The following OPCML variants were observed in gnomAD, a reference collection of about 807,000 sequenced individuals.
OPCML encodes the protein opioid-binding protein/cell adhesion molecule.
Under a neutral mutation model 37.8 loss-of-function variants are expected in OPCML, and 13 were observed. The ratio of observed to expected loss-of-function variants is 0.34; its 90% CI spans 0.22 to 0.55. The LOEUF (loss-of-function observed/expected upper bound fraction) is 0.55, where lower values mean the gene tolerates loss of function less well. OPCML is among the 20% of genes least tolerant of loss of function. The probability of loss-of-function intolerance (pLI) is 0.91; values close to 1 mark genes in which losing one functional copy is unlikely to be tolerated. For synonymous variants in OPCML, 176 were observed against 168.8 expected (o/e 1.04, Z -0.33); for missense variants, 341 against 435.6 (o/e 0.78, Z 1.93).
chr11:133,495,358 A>G (rs1947762635), intron 1 of OPCML, among the ~76,000 whole-genome samples: 1 of 152,230 alleles, frequency 6.6e-6, no homozygotes, highest in African/African-American at 2.4e-5. Context: ...GCACTGCTAT[A>G]AACATGCGTA....
intron 1 of OPCML, among the ~76,000 whole-genome samples, chr11:133,143,825 G>A (rs1363013010): frequency 2.6e-5 from 4 of 152,278 alleles, no homozygotes; most frequent in Admixed American, 1.3e-4. Context: ...TTTCTTCCAC[G>A]GAAATACACA....
At position 132,724,068 on chromosome 11, in the gene OPCML, C is replaced by T. The variant is rs187436038; in HGVS notation, c.147-66749G>A. ...GGTACATAGATGCCTGTCAGAGTGGCATAGGGAAATTGTGGGTCATTACTC... is the reference window on the plus strand; with the variant it reads ...GGTACATAGATGCCTGTCAGAGTGGTATAGGGAAATTGTGGGTCATTACTC... On this transcript the variant is annotated intron_variant, in intron 2 of 7. Coordinates refer to ENST00000524381, the MANE Select transcript of OPCML (RefSeq NM_001012393.5). Among the ~76,000 whole-genome samples the T allele has an allele frequency of 1.8e-4, 27 of 150,986 alleles. No individual in the cohort carries two copies. The Middle Eastern group carries it at 0.017, about 95-fold the overall frequency.
chr11:132,698,812 A>G (rs896064529), intron 2 of OPCML, among the ~76,000 whole-genome samples: 1 of 152,044 alleles, frequency 6.6e-6, no homozygotes, highest in Admixed American at 6.6e-5. Context: ...TCATATATAT[A>G]TAGTTGGGTC....
chr11:132,513,252 G>T lies in OPCML; in HGVS notation c.505+15809C>A, dbSNP rs370578005. 3.9e-5 allele frequency among the ~76,000 whole-genome samples: 6 copies of T among 152,230 alleles called. No homozygotes were observed. In the East Asian group the frequency reaches 1.2e-3, roughly 29 times the overall value. ...AGGGAAGAAAGTAGAGATCTGGGTA[G>T]CATAGAATTCTCATGGAATGTGGAA... On this transcript the variant is annotated intron_variant, in intron 4 of 7. Transcript: ENST00000524381.
chr11:133,488,387 T>C (rs192988566), intron 1 of OPCML, among the ~76,000 whole-genome samples: 15 of 152,206 alleles, frequency 9.9e-5, no homozygotes, highest in African/African-American at 3.4e-4. Flanking sequence ...AAAAATCTCT[T>C]ATATTAGATA....
intron 2 of OPCML, among the ~76,000 whole-genome samples, chr11:132,872,925 C>G (rs1216882729): frequency 6.8e-6 from 1 of 147,268 alleles, no homozygotes; most frequent in East Asian, 2.0e-4. Context: ...TTCTTTCTTT[C>G]TTTTTTTTTT....
rs68143578 is a variant in OPCML at position 132,441,165 on chromosome 11, G to GTTTTT, written c.506-3811_506-3807dup. On this transcript the variant is annotated intron_variant, in intron 4 of 7. Coordinates refer to ENST00000524381, the MANE Select transcript of OPCML (RefSeq NM_001012393.5). ...AGATGTGTTCACCAAGGACTTTTTT[G>GTTTTT]TTTTTTTTTTTTTTTTTTTTGAGAC... 1.9e-4 allele frequency among the ~76,000 whole-genome samples: 14 copies of GTTTTT among 72,390 alleles called. 2 individuals are homozygous for GTTTTT. The highest frequency in any genetic ancestry group is 2.7e-4 in the Non-Finnish European group (12 of 44,016). The allele number at this position is 72,390 out of a possible 152,430, so 47.5% of individuals were successfully genotyped here. A position where few individuals can be genotyped will look rare whatever the true frequency, so the allele number is the denominator to read the frequency against.
chr11:133,155,451 C>T (rs970723110), intron 1 of OPCML, among the ~76,000 whole-genome samples: 1 of 152,198 alleles, frequency 6.6e-6, no homozygotes, highest in East Asian at 1.9e-4. Flanking sequence ...AAACACTTTC[C>T]TACCTTGGCT....
intron 1 of OPCML, among the ~76,000 whole-genome samples, chr11:133,262,020 G>A (rs1941510544): frequency 6.6e-6 from 1 of 152,058 alleles, no homozygotes; most frequent in African/African-American, 2.4e-5. Flanking sequence ...ATTAAGCAAA[G>A]GGACTTTACT....
At chr11:132,793,665 C>T (rs905097835) in intron 2 of OPCML, among the ~76,000 whole-genome samples, 2 of 152,188 alleles carry the variant, frequency 1.3e-5, no homozygotes, top group African/African-American at 4.8e-5. Context: ...GGGACCCTTT[C>T]TGAGGGTATG....
chr11:132,530,167 G>C (rs755618815), intron 3 of OPCML, among the ~76,000 whole-genome samples: 9 of 152,134 alleles, frequency 5.9e-5, no homozygotes, highest in South Asian at 2.1e-4. Context: ...CAATGATCAT[G>C]ATGATGACAG....
chr11:132,614,041 T>C (rs1938830393), intron 3 of OPCML, among the ~76,000 whole-genome samples: 2 of 151,996 alleles, frequency 1.3e-5, no homozygotes, highest in South Asian at 2.1e-4. Flanking sequence ...GGGATAAAAG[T>C]AGAGATTGTA....
At chr11:132,741,418 T>C (rs1945429090) in intron 2 of OPCML, among the ~76,000 whole-genome samples, 1 of 152,136 alleles carries the variant, frequency 6.6e-6, no homozygotes, top group East Asian at 1.9e-4. Flanking sequence ...CTGAGAATCA[T>C]ACAGACATGA....
chr11:133,193,929 A>G (rs1316045116), intron 1 of OPCML, among the ~76,000 whole-genome samples: 1 of 152,212 alleles, frequency 6.6e-6, no homozygotes, highest in Non-Finnish European at 1.5e-5. Flanking sequence ...AGAAAAAGAA[A>G]ACAACACTTA....
chr11:132,969,701 C>T (rs1323966034), intron 1 of OPCML, among the ~76,000 whole-genome samples: 1 of 152,110 alleles, frequency 6.6e-6, no homozygotes, highest in African/African-American at 2.4e-5. Context: ...TACTGAGCCC[C>T]TCTCATAATT....
At chr11:133,431,762 G>A (rs935335749) in intron 1 of OPCML, among the ~76,000 whole-genome samples, 8 of 149,110 alleles carry the variant, frequency 5.4e-5, no homozygotes, top group Non-Finnish European at 1.2e-4. Flanking sequence ...ACTGCGCCCC[G>A]CCGAATCTCA....
intron 2 of OPCML, among the ~76,000 whole-genome samples, chr11:132,802,360 G>A (rs370803641): frequency 1.7e-4 from 26 of 152,280 alleles, no homozygotes; most frequent in African/African-American, 6.0e-4. Context: ...TCCCTGAACA[G>A]ACTTGGTTAC....
intron 1 of OPCML, among the ~76,000 whole-genome samples, chr11:133,341,896 C>A (rs1025892191): frequency 1.3e-5 from 2 of 151,162 alleles, no homozygotes; most frequent in Non-Finnish European, 2.9e-5. Context: ...CCAGCCTGGG[C>A]GAAAGAATAA....
intron 1 of OPCML, among the ~76,000 whole-genome samples, chr11:133,472,576 T>C (rs1947142108): frequency 6.6e-6 from 1 of 151,634 alleles, no homozygotes; most frequent in South Asian, 2.1e-4. Context: ...ATCGAGGAGC[T>C]CTCAGGGCCA....
Sources: gnomAD v4.1 joint callset for allele counts (sites outside exome capture counted in the v4.1 genomes callset) on GRCh38, gnomAD v4.1.1 for gene constraint, MANE v1.5 for transcripts, NCBI Gene and HGNC (gene_info 2026-07-23, HGNC 2026-07-21) for gene names.